TPCN2: variants seen among roughly 807,000 people sequenced by gnomAD.
TPCN2 encodes two pore segment channel 2, also known as two pore channel protein 2.
A neutral mutation model predicts 111.4 loss-of-function variants in TPCN2; 92 were observed. That is an observed-to-expected ratio of 0.83 (90% CI 0.70 to 0.98). The LOEUF (loss-of-function observed/expected upper bound fraction) is 0.98, where lower values mean the gene tolerates loss of function less well. Among genes scored for constraint, TPCN2 ranks in the 50% least tolerant of loss-of-function variants. TPCN2 has a pLI of 0.00. For synonymous variants in TPCN2, 405 were observed against 414.5 expected (o/e 0.98, Z 0.28); for missense variants, 995 against 980.1 (o/e 1.02, Z -0.20).
intron 9 of TPCN2, 141 bp downstream of exon 9, chr11:69,070,636 A>G (rs1210923232): frequency 6.3e-6 from 4 of 632,464 alleles, no homozygotes; most frequent in Non-Finnish European, 1.1e-5. Context: ...CCCTGCCAAC[A>G]GCTTTTAACC....
At chr11:69,086,883 C>G (rs1255165308) in intron 23 of TPCN2, among the ~76,000 whole-genome samples, 1 of 151,512 alleles carries the variant, frequency 6.6e-6, no homozygotes, top group Non-Finnish European at 1.5e-5. Context: ...GTGCTCCTGA[C>G]ATCTGGGCTG....
intron 13 of TPCN2, among the ~76,000 whole-genome samples, chr11:69,075,145 G>A (rs557486288): frequency 3.3e-5 from 5 of 152,324 alleles, no homozygotes; most frequent in African/African-American, 9.6e-5. Context: ...CCAGGGCACC[G>A]AGCACTGGGC....
chr11:69,053,965 A>G, intron 1 of TPCN2, 68 bp from the exon 2 acceptor site: 2 of 1,355,958 alleles, frequency 1.5e-6, no homozygotes, highest in Non-Finnish European at 2.1e-6. Context: ...TTCCTTGATC[A>G]CGGGTATCCT....
intron 13 of TPCN2, among the ~76,000 whole-genome samples, chr11:69,076,567 G>T (rs893019278): frequency 9.3e-5 from 14 of 150,542 alleles, no homozygotes; most frequent in African/African-American, 3.4e-4. Flanking sequence ...CCCTCCACCT[G>T]CCCTCCTGCT....
At chr11:69,080,464 C>T (rs904272732) in intron 17 of TPCN2, among the ~76,000 whole-genome samples, 3 of 152,226 alleles carry the variant, frequency 2.0e-5, no homozygotes, top group African/African-American at 4.8e-5. Flanking sequence ...CCTGGAGCCT[C>T]GTGGCACCAC....
intron 17 of TPCN2, 152 bp downstream of exon 17, chr11:69,080,035 C>A: frequency 1.4e-6 from 1 of 696,178 alleles, no homozygotes; most frequent in Non-Finnish European, 2.4e-6. Flanking sequence ...GATCCCACAG[C>A]AGAGGCTGTG....
intron 11 of TPCN2, 34 bp downstream of exon 11, chr11:69,072,057 G>A: frequency 3.2e-6 from 5 of 1,575,584 alleles, no homozygotes; most frequent in Non-Finnish European, 4.4e-6. Flanking sequence ...TTCTCCCTGA[G>A]GGTGGGTGCT....
intron 1 of TPCN2, 96 bp downstream of exon 1, chr11:69,049,202 G>T (rs1861100087): frequency 1.2e-6 from 1 of 847,820 alleles, no homozygotes; most frequent in Admixed American, 4.3e-5. Context: ...TGCCGGGCGC[G>T]CCCCCACCAG....
intron 1 of TPCN2, among the ~76,000 whole-genome samples, chr11:69,049,613 A>C (rs1031509949): frequency 6.6e-6 from 1 of 152,180 alleles, no homozygotes; most frequent in Non-Finnish European, 1.5e-5. Flanking sequence ...GATTCGAACC[A>C]GTTGGGAGCT....
At chr11:69,075,256 G>A (rs1855704860) in intron 13 of TPCN2, among the ~76,000 whole-genome samples, 1 of 152,222 alleles carries the variant, frequency 6.6e-6, no homozygotes, top group Admixed American at 6.5e-5. Flanking sequence ...CTGTAGAGGG[G>A]AGGCCGTTGC....
intron 18 of TPCN2, among the ~76,000 whole-genome samples, 154 bp downstream of exon 18, chr11:69,081,653 G>A (rs185333156): frequency 1.1e-4 from 17 of 152,302 alleles, no homozygotes; most frequent in African/African-American, 2.6e-4. Flanking sequence ...CCGTGCTCTT[G>A]TGATGCTGGG....
chr11:69,060,228 C>T (rs562253319), intron 5 of TPCN2, among the ~76,000 whole-genome samples: 5 of 152,352 alleles, frequency 3.3e-5, no homozygotes, highest in African/African-American at 1.2e-4. Flanking sequence ...CCAACCCTGC[C>T]CACTGCAGAG....
chr11:69,056,211 C>T (rs931070472), intron 4 of TPCN2, among the ~76,000 whole-genome samples: 6 of 152,230 alleles, frequency 3.9e-5, no homozygotes, highest in African/African-American at 1.4e-4. Flanking sequence ...CTTGGCTGGG[C>T]CTTGGGCTCA....
chr11:69,050,738 A>G (rs1352194407), intron 1 of TPCN2, among the ~76,000 whole-genome samples: 1 of 152,238 alleles, frequency 6.6e-6, no homozygotes, highest in East Asian at 1.9e-4. Context: ...CCTGGCGGGC[A>G]TTGTGAGGAT....
At chr11:69,077,309 G>A (rs868438465) in intron 13 of TPCN2, among the ~76,000 whole-genome samples, 130 of 12,910 alleles carry the variant, frequency 0.01, 10 homozygotes, top group African/African-American at 0.015. Flanking sequence ...CCCTCCTGCC[G>A]TGTCCCTCCA....
rs776802336 is a variant in TPCN2, at chr11:69,057,592, G to T, written c.444G>T (p.Gly148=). The change falls in exon 5 of 25, where the codon GGG becomes GGT. Residue 148 remains glycine, a synonymous_variant. Transcript: ENST00000294309. ...CTATCTTGCAGGGTTACCTGTTCGGGTGGGCCCATTTCCAGAAAAACCTTT... is the reference window on the plus strand; with the variant it reads ...CTATCTTGCAGGGTTACCTGTTCGGTTGGGCCCATTTCCAGAAAAACCTTT... The part of the protein sequence containing the change: ...ADLSVKGYLF[G]WAHFQKNLWL... 4 of 1,614,186 alleles carry T rather than the reference G, an allele frequency of 2.5e-6. 1 individual carries two copies. In the Admixed American group the frequency reaches 5.0e-5, roughly 20 times the overall value.
rs200631027 is a variant in TPCN2, at chr11:69,085,202, C to A, written c.1762-8C>A. The stretch of plus-strand genomic sequence containing the variant: ...GGGCTGATCAGTCCCCGGCTCCTGG[C>A]CCGCCAGGTGGTCTACTACGTATTT... On this transcript the variant is annotated splice_region_variant and splice_polypyrimidine_tract_variant and intron_variant, in intron 19 of 24. Transcript: ENST00000294309. The A allele has an allele frequency of 6.2e-7, 1 of 1,614,004 alleles. No individual in the cohort carries two copies. Among genetic ancestry groups the A allele is most frequent in the East Asian group, 2.2e-5 (1 of 44,878 alleles).
At chr11:69,052,653 C>T (rs7940235) in intron 1 of TPCN2, among the ~76,000 whole-genome samples, 20,064 of 152,150 alleles carry the variant, frequency 0.13, 1,851 homozygotes, top group South Asian at 0.21. Context: ...CACCTCTAAT[C>T]CGTCCAGGGC....
At chr11:69,065,652 G>A (rs1005429453) in intron 7 of TPCN2, among the ~76,000 whole-genome samples, 27 of 152,188 alleles carry the variant, frequency 1.8e-4, no homozygotes, top group Admixed American at 1.7e-3. Context: ...TGCAGCGGCC[G>A]CCTTGCTTTA....
Sources: gnomAD v4.1 joint callset for allele counts (sites outside exome capture counted in the v4.1 genomes callset) on GRCh38, gnomAD v4.1.1 for gene constraint, MANE v1.5 for transcripts, NCBI Gene and HGNC (gene_info 2026-07-23, HGNC 2026-07-21) for gene names.